BICD1: variants seen among roughly 807,000 people sequenced by gnomAD.
The protein encoded by BICD1 is protein bicaudal D homolog 1.
BICD1 carries 35 observed loss-of-function variants against 92.5 expected under a neutral mutation model. The ratio of observed to expected loss-of-function variants is 0.38; its 90% CI spans 0.29 to 0.50. The LOEUF (loss-of-function observed/expected upper bound fraction) is 0.50, where lower values mean the gene tolerates loss of function less well. Ranked by LOEUF, BICD1 falls within the 20% of genes least tolerant of loss-of-function variation. BICD1 has a pLI of 0.93. For synonymous variants in BICD1, 429 were observed against 465.1 expected (o/e 0.92, Z 1.00); for missense variants, 950 against 1,189.8 (o/e 0.80, Z 2.97).
chr12:32,309,253 C>A (rs865916499), intron 4 of BICD1, among the ~76,000 whole-genome samples: 3 of 152,110 alleles, frequency 2.0e-5, no homozygotes, highest in African/African-American at 4.8e-5. Context: ...CAAGTCTGAT[C>A]AATGAGAGTA....
At position 32,124,655 on chromosome 12, in the gene BICD1, A is replaced by G. The variant is rs1188165274; in HGVS notation, c.213+17111A>G. ...CTTGAATCAGAGTAATCTCCTGATC[A>G]GGCAACATTTGAGGGGGCTTTGAAG... On this transcript the variant is annotated intron_variant, in intron 1 of 9. Coordinates refer to ENST00000652176, the MANE Select transcript of BICD1 (RefSeq NM_001714.4). Among the ~76,000 whole-genome samples the G allele has an allele frequency of 2.6e-5, 4 of 152,300 alleles. No homozygotes were observed. In the South Asian group the frequency reaches 6.2e-4, roughly 24 times the overall value.
At chr12:32,366,315 A>G (rs1939522612) in intron 8 of BICD1, among the ~76,000 whole-genome samples, 1 of 152,244 alleles carries the variant, frequency 6.6e-6, no homozygotes, top group African/African-American at 2.4e-5. Flanking sequence ...TGGATTAAAT[A>G]TTATTTACAT....
intron 1 of BICD1, among the ~76,000 whole-genome samples, chr12:32,146,909 TCTTCTTC>T (rs1435922808): frequency 6.8e-6 from 1 of 148,106 alleles, no homozygotes; most frequent in African/African-American, 2.5e-5. Flanking sequence ...TTCTTTCTCT[TCTTCTTC>T]CTTCTTCCTC....
intron 4 of BICD1, among the ~76,000 whole-genome samples, chr12:32,308,382 G>A (rs115123684): frequency 1.4e-3 from 206 of 152,266 alleles, no homozygotes; most frequent in African/African-American, 4.7e-3. Context: ...CATTCTTAGA[G>A]GACAGCACTT....
intron 1 of BICD1, among the ~76,000 whole-genome samples, chr12:32,142,424 AAAAAAAAC>A (rs1565543544): frequency 2.4e-4 from 6 of 25,034 alleles, no homozygotes; most frequent in African/African-American, 5.6e-4. Context: ...AAAAAAAAAA[AAAAAAAAC>A]AAAAAACCCC....
At chr12:32,256,256 C>T (rs1946717908) in intron 2 of BICD1, among the ~76,000 whole-genome samples, 1 of 152,098 alleles carries the variant, frequency 6.6e-6, no homozygotes, top group East Asian at 1.9e-4. Flanking sequence ...TGCTATGTTG[C>T]CCAGGCTGAT....
At position 32,379,958 on chromosome 12, in the gene BICD1, C is replaced by T. The variant is rs1426332751; in HGVS notation, c.*2331C>T. 6.6e-6 allele frequency: 1 copy of T among 152,172 alleles called. No homozygotes were observed. The highest frequency in any genetic ancestry group is 6.6e-5 in the Admixed American group (1 of 15,260). The allele number at this position is 152,172 out of a possible 1,614,324, so 9.4% of individuals were successfully genotyped here. A position where few individuals can be genotyped will look rare whatever the true frequency, so the allele number is the denominator to read the frequency against. On this transcript the variant is annotated 3_prime_UTR_variant, in exon 10 of 10. Coordinates refer to ENST00000652176, the MANE Select transcript of BICD1 (RefSeq NM_001714.4). ...ACTCCATGAAAAGCCGGGTCACCCA[C>T]AAAACATTTCTTCCAATACAAAGTG...
intron 1 of BICD1, among the ~76,000 whole-genome samples, chr12:32,139,451 G>A (rs1175254721): frequency 6.6e-6 from 1 of 152,176 alleles, no homozygotes; most frequent in Non-Finnish European, 1.5e-5. Flanking sequence ...AACTAGATAA[G>A]CTGCTTTAGA....
intron 9 of BICD1, among the ~76,000 whole-genome samples, chr12:32,374,950 G>T (rs1939884099): frequency 1.0e-5 from 1 of 97,614 alleles, no homozygotes; most frequent in Non-Finnish European, 1.8e-5. Flanking sequence ...ACGGAGTCTC[G>T]CTCTGTCGTC....
chr12:32,325,897 A>G (rs991987779), intron 4 of BICD1, among the ~76,000 whole-genome samples: 2 of 151,840 alleles, frequency 1.3e-5, no homozygotes, highest in Non-Finnish European at 2.9e-5. Context: ...CCTGGCTAAC[A>G]CGGTGAAACC....
intron 2 of BICD1, among the ~76,000 whole-genome samples, chr12:32,220,253 T>G (rs1462284157): frequency 4.6e-5 from 7 of 152,012 alleles, no homozygotes; most frequent in Admixed American, 4.6e-4. Context: ...GGGATCTAAT[T>G]AAACTAAAGA....
intron 1 of BICD1, among the ~76,000 whole-genome samples, chr12:32,142,019 C>G (rs1043590617): frequency 2.0e-5 from 3 of 151,946 alleles, no homozygotes; most frequent in Admixed American, 2.0e-4. Flanking sequence ...TTTTGCTGAA[C>G]AAAACAGGAG....
chr12:32,166,476 T>G (rs1160594696), intron 1 of BICD1, among the ~76,000 whole-genome samples: 2 of 152,054 alleles, frequency 1.3e-5, no homozygotes, highest in Non-Finnish European at 2.9e-5. Context: ...GGGGGATGCT[T>G]CTGGCATCTA....
At chr12:32,228,694 G>C (rs1945781627) in intron 2 of BICD1, among the ~76,000 whole-genome samples, 1 of 152,142 alleles carries the variant, frequency 6.6e-6, no homozygotes. Context: ...ATTTTCTAAT[G>C]GGTTGAATGT....
chr12:32,319,617 G>A (rs11051929), intron 4 of BICD1, among the ~76,000 whole-genome samples: 37,838 of 148,328 alleles, frequency 0.26, 5,133 homozygotes, highest in East Asian at 0.61. Context: ...TTGGTCTGTT[G>A]CCCAGGCTGG....
intron 1 of BICD1, among the ~76,000 whole-genome samples, chr12:32,174,241 G>T (rs12315798): frequency 1.3e-5 from 2 of 151,774 alleles, no homozygotes; most frequent in African/African-American, 2.4e-5. Flanking sequence ...CCTTTTTAGC[G>T]TCTTTATTTT....
intron 1 of BICD1, among the ~76,000 whole-genome samples, chr12:32,146,974 C>T (rs7297597): frequency 0.25 from 37,174 of 150,964 alleles, 4,749 homozygotes; most frequent in Middle Eastern, 0.41. Context: ...CAGTCTTGCT[C>T]TGTCACCCAG....
chr12:32,327,343 TG>T, intron 4 of BICD1, 117 bp from the exon 5 acceptor site: 1 of 1,214,390 alleles, frequency 8.2e-7, no homozygotes, highest in Non-Finnish European at 1.1e-6. Flanking sequence ...TTTGAAATAG[TG>T]GGAACATTGG....
At chr12:32,163,794 T>C (rs1332250185) in intron 1 of BICD1, among the ~76,000 whole-genome samples, 1 of 152,154 alleles carries the variant, frequency 6.6e-6, no homozygotes, top group Admixed American at 6.5e-5. Context: ...ATGAGACTGA[T>C]ATGAGTCAGT....
Sources: gnomAD v4.1 joint callset for allele counts (sites outside exome capture counted in the v4.1 genomes callset) on GRCh38, gnomAD v4.1.1 for gene constraint, MANE v1.5 for transcripts, NCBI Gene and HGNC (gene_info 2026-07-23, HGNC 2026-07-21) for gene names.